Variants in ITGA11 observed in about 807,000 individuals in gnomAD.
The protein encoded by ITGA11 is integrin alpha-11.
Under a neutral mutation model 141.9 loss-of-function variants are expected in ITGA11, and 97 were observed. The observed-to-expected ratio is 0.68, with a 90% CI of 0.58 to 0.81. The LOEUF is 0.81. ITGA11 is among the 30% of genes least tolerant of loss of function. The pLI is 0.00. For synonymous variants in ITGA11, 658 were observed against 624.6 expected (o/e 1.05, Z -0.80); for missense variants, 1,387 against 1,559.2 (o/e 0.89, Z 1.86).
At chr15:68,309,590 CTTTT>C (rs913221357) in intron 26 of ITGA11, among the ~76,000 whole-genome samples, 1 of 108,736 alleles carries the variant, frequency 9.2e-6, no homozygotes. Flanking sequence ...CAATACAGTC[CTTTT>C]TTTTTTTTTT....
intron 4 of ITGA11, among the ~76,000 whole-genome samples, chr15:68,364,009 T>A (rs1379664115): frequency 6.6e-6 from 1 of 152,216 alleles, no homozygotes; most frequent in Non-Finnish European, 1.5e-5. Flanking sequence ...CATTGCTGAA[T>A]CCCGGTGCCC....
intron 1 of ITGA11, among the ~76,000 whole-genome samples, chr15:68,416,231 G>A (rs2140430469): frequency 6.6e-6 from 1 of 152,308 alleles, no homozygotes; most frequent in African/African-American, 2.4e-5. Flanking sequence ...AGCTCTATAT[G>A]AGGAAGAATT....
chr15:68,406,587 G>T (rs1002731843), intron 1 of ITGA11, among the ~76,000 whole-genome samples: 2 of 152,228 alleles, frequency 1.3e-5, no homozygotes, highest in East Asian at 3.9e-4. Context: ...TCCTCATAGC[G>T]TTTATCACAA....
chr15:68,377,422 G>A (rs754498211), intron 2 of ITGA11, among the ~76,000 whole-genome samples: 4 of 151,964 alleles, frequency 2.6e-5, no homozygotes, highest in East Asian at 1.9e-4. Context: ...ACAGGCATGC[G>A]CCACAATGCC....
intron 10 of ITGA11, 28 bp downstream of exon 10, chr15:68,348,802 G>A (rs746234533): frequency 6.3e-7 from 1 of 1,583,536 alleles, no homozygotes; most frequent in Non-Finnish European, 8.6e-7. Context: ...CAGAGGCTGG[G>A]CTCTGTGCCC....
At chr15:68,343,791 G>T (rs1567137285) in intron 10 of ITGA11, among the ~76,000 whole-genome samples, 1 of 152,164 alleles carries the variant, frequency 6.6e-6, no homozygotes, top group African/African-American at 2.4e-5. Context: ...TTCACTAATG[G>T]CTTGGAGTCT....
intron 23 of ITGA11, among the ~76,000 whole-genome samples, chr15:68,313,148 AC>A (rs1893450800): frequency 6.6e-6 from 1 of 152,040 alleles, no homozygotes; most frequent in African/African-American, 2.4e-5. Context: ...GAGTGTAGCT[AC>A]TTTTCGGAGT....
chr15:68,351,003 G>T (rs2140331806), intron 8 of ITGA11, among the ~76,000 whole-genome samples: 1 of 152,332 alleles, frequency 6.6e-6, no homozygotes, highest in South Asian at 2.1e-4. Flanking sequence ...AGGTTTGGAG[G>T]TGTATTCTAG....
chr15:68,402,870 G>T, intron 2 of ITGA11, 48 bp downstream of exon 2: 1 of 1,289,052 alleles, frequency 7.8e-7, no homozygotes, highest in Non-Finnish European at 1.1e-6. Flanking sequence ...GGAGGGGGCT[G>T]GGTGTGGAAT....
intron 1 of ITGA11, among the ~76,000 whole-genome samples, chr15:68,431,207 A>T (rs1897262436): frequency 6.6e-6 from 1 of 152,340 alleles, no homozygotes; most frequent in African/African-American, 2.4e-5. Context: ...TCCCGCTCCC[A>T]GCCGCGCGCC....
chr15:68,377,857 GA>G (rs1384849469), intron 2 of ITGA11, among the ~76,000 whole-genome samples: 4 of 152,194 alleles, frequency 2.6e-5, no homozygotes, highest in Non-Finnish European at 5.9e-5. Flanking sequence ...CCTATGGGGT[GA>G]GGAGTCCTAG....
intron 3 of ITGA11, among the ~76,000 whole-genome samples, chr15:68,366,316 G>T (rs761246746): frequency 6.6e-6 from 1 of 152,158 alleles, no homozygotes; most frequent in Non-Finnish European, 1.5e-5. Context: ...GAACATTGAG[G>T]TGTAGAGAGG....
chr15:68,356,767 C>T (rs1418312584), intron 7 of ITGA11, among the ~76,000 whole-genome samples: 1 of 152,134 alleles, frequency 6.6e-6, no homozygotes, highest in Non-Finnish European at 1.5e-5. Flanking sequence ...CCAGGTCCTG[C>T]CTGGGCCTCT....
chr15:68,334,379 C>T (rs1894277115), intron 12 of ITGA11, among the ~76,000 whole-genome samples: 2 of 152,150 alleles, frequency 1.3e-5, no homozygotes, highest in African/African-American at 4.8e-5. Flanking sequence ...AATTGCTTGC[C>T]CAAGGTCAGA....
intron 1 of ITGA11, among the ~76,000 whole-genome samples, chr15:68,421,850 C>T (rs938085998): frequency 2.0e-5 from 3 of 152,050 alleles, no homozygotes; most frequent in Non-Finnish European, 4.4e-5. Flanking sequence ...GAGTTAAGAG[C>T]GGTGATACTC....
rs1893283724 is a variant in ITGA11 at position 68,308,776 on chromosome 15, A to AAAAGAAAAG, written c.3175-1089_3175-1081dup. 6.8e-6 allele frequency among the ~76,000 whole-genome samples: 1 copy of AAAAGAAAAG among 147,558 alleles called. No individual in the cohort carries two copies. The highest frequency in any genetic ancestry group is 1.5e-5 in the Non-Finnish European group (1 of 66,138). On this transcript the variant is annotated intron_variant, in intron 26 of 29. Transcript: ENST00000315757. The surrounding 1 kb of genome is among the most constrained non-coding windows in gnomAD (Gnocchi z 5.2). Reference sequence around the variant, plus strand: ...GAAAAGAAAAGAAAGAAAAGAAAAGAAAAGAAAAGGGATTAGAGGACACTG... The same window carrying AAAAGAAAAG: ...GAAAAGAAAAGAAAGAAAAGAAAAGAAAAGAAAAGAAAGAAAAGGGATTAGAGGACACTG...
At chr15:68,309,671 T>C (rs1055973063) in intron 26 of ITGA11, among the ~76,000 whole-genome samples, 3 of 150,636 alleles carry the variant, frequency 2.0e-5, no homozygotes, top group Non-Finnish European at 3.0e-5. Context: ...CTTGGCTCAT[T>C]GCAACGTCTG....
chr15:68,428,163 G>C (rs1295539427), intron 1 of ITGA11, among the ~76,000 whole-genome samples: 1 of 152,130 alleles, frequency 6.6e-6, no homozygotes, highest in Non-Finnish European at 1.5e-5. Flanking sequence ...AGAAACAGGG[G>C]CTTTTAAAAT....
At chr15:68,319,454 G>A (rs1235985681) in intron 20 of ITGA11, among the ~76,000 whole-genome samples, 2 of 152,250 alleles carry the variant, frequency 1.3e-5, no homozygotes, top group African/African-American at 2.4e-5. Context: ...TGGGGGCCAT[G>A]GTGGGAACCA....
Sources: allele counts gnomAD v4.1 joint callset (sites outside exome capture counted in the v4.1 genomes callset), GRCh38; gene constraint gnomAD v4.1.1; non-coding constraint Gnocchi (gnomAD v3.1); transcripts MANE v1.5; gene names NCBI Gene and HGNC (gene_info 2026-07-23, HGNC 2026-07-21).